IGF2BP3: variants seen among roughly 807,000 people sequenced by gnomAD.
IGF2BP3 encodes insulin-like growth factor 2 mRNA-binding protein 3.
Under a neutral mutation model 73.8 loss-of-function variants are expected in IGF2BP3, and 9 were observed. The ratio of observed to expected loss-of-function variants is 0.12; its 90% CI spans 0.07 to 0.21. The LOEUF (loss-of-function observed/expected upper bound fraction) is 0.21. IGF2BP3 is among the 10% of genes least tolerant of loss of function. The pLI is 1.00. For synonymous variants in IGF2BP3, 258 were observed against 256.7 expected, an observed-to-expected ratio of 1.01 and a Z score of -0.05; for missense variants, 542 against 714.0, an observed-to-expected ratio of 0.76 and a Z score of 2.75.
intron 3 of IGF2BP3, among the ~76,000 whole-genome samples, chr7:23,365,409 T>C (rs905576101): frequency 2.0e-5 from 3 of 152,200 alleles, no homozygotes; most frequent in Non-Finnish European, 4.4e-5. Context: ...GAGATAACAC[T>C]ACAAAAGTTA....
chr7:23,383,263 GA>G (rs1475670374), intron 3 of IGF2BP3, among the ~76,000 whole-genome samples: 1 of 152,170 alleles, frequency 6.6e-6, no homozygotes, highest in African/African-American at 2.4e-5. Context: ...GCAAGTATGT[GA>G]GTAACTTTTA....
At chr7:23,312,507 A>G (rs1354272973) in intron 14 of IGF2BP3, 47 bp from the exon 15 acceptor site, 8 of 1,330,726 alleles carry the variant, frequency 6.0e-6, no homozygotes, top group Non-Finnish European at 8.7e-6. Flanking sequence ...AAAAGCTACT[A>G]AAAGTTATTG....
At position 23,470,242 on chromosome 7, in the gene IGF2BP3, A is replaced by G. The variant is rs1788685076; in HGVS notation, c.-132T>C. 7.7e-6 allele frequency: 5 copies of G among 650,234 alleles called. No individual in the cohort carries two copies. Among genetic ancestry groups the G allele is most frequent in the Middle Eastern group, 8.7e-4 (2 of 2,286 alleles). The allele number at this position is 650,234 out of a possible 1,614,324, so 40.3% of individuals were successfully genotyped here. A position where few individuals can be genotyped will look rare whatever the true frequency, so the allele number is the denominator to read the frequency against. The stretch of plus-strand genomic sequence containing the variant: ...CTTTAAAATACACAAACACAGTAAG[A>G]ACCAAGCACAAGAACGAGGAGTGAA... On this transcript the variant is annotated 5_prime_UTR_variant, in exon 1 of 15. Coordinates refer to ENST00000258729, the MANE Select transcript of IGF2BP3 (RefSeq NM_006547.3).
intron 3 of IGF2BP3, among the ~76,000 whole-genome samples, chr7:23,372,219 C>A (rs1373249017): frequency 6.6e-6 from 1 of 152,066 alleles, no homozygotes. Context: ...GGACTACAGG[C>A]ACGTGCCTCC....
chr7:23,424,795 T>C (rs1462023746), intron 2 of IGF2BP3, among the ~76,000 whole-genome samples: 2 of 152,226 alleles, frequency 1.3e-5, no homozygotes, highest in South Asian at 2.1e-4. Context: ...ATGTAGACTC[T>C]GAAGGGCATC....
At chr7:23,318,980 T>G (rs1784064598) in intron 11 of IGF2BP3, among the ~76,000 whole-genome samples, 158 bp downstream of exon 11, 1 of 152,236 alleles carries the variant, frequency 6.6e-6, no homozygotes, top group South Asian at 2.1e-4. Flanking sequence ...GAAGTTAGCC[T>G]CCTTGGTGTA....
Position 23,343,863 on chromosome 7 carries a change from GA to G in IGF2BP3, c.942-11del. 6.2e-7 allele frequency: 1 copy of G among 1,604,482 alleles called. No homozygotes were observed. Among genetic ancestry groups the G allele is most frequent in the Non-Finnish European group, 8.5e-7 (1 of 1,177,364 alleles). On this transcript the variant is annotated splice_polypyrimidine_tract_variant and intron_variant, in intron 8 of 14. Coordinates refer to ENST00000258729, the MANE Select transcript of IGF2BP3 (RefSeq NM_006547.3). ...CGTCAATTCCTGCAATCTGCAGAAT[GA>G]AAAAGAAGGGAAAGAAAAAGAATGA...
At chr7:23,464,920 G>C (rs1031594608) in intron 2 of IGF2BP3, among the ~76,000 whole-genome samples, 2 of 152,034 alleles carry the variant, frequency 1.3e-5, no homozygotes, top group African/African-American at 4.8e-5. Context: ...TCATCACATA[G>C]GAGGCAGCAA....
intron 3 of IGF2BP3, among the ~76,000 whole-genome samples, chr7:23,391,722 T>C (rs1786283192): frequency 6.6e-6 from 1 of 152,224 alleles, no homozygotes; most frequent in African/African-American, 2.4e-5. Context: ...AAAAAGTCTT[T>C]TTAAAATGAT....
intron 5 of IGF2BP3, among the ~76,000 whole-genome samples, chr7:23,353,859 G>A (rs1785027452): frequency 6.6e-6 from 1 of 152,132 alleles, no homozygotes; most frequent in Admixed American, 6.5e-5. Context: ...TGTGGATTAA[G>A]GGACCTAAAA....
chr7:23,378,900 A>T (rs948176226), intron 3 of IGF2BP3, among the ~76,000 whole-genome samples: 15 of 151,974 alleles, frequency 9.9e-5, no homozygotes, highest in African/African-American at 3.6e-4. Flanking sequence ...GCTCCCCCGG[A>T]AGAGTACTGG....
chr7:23,361,693 G>C lies in IGF2BP3; in HGVS notation c.334C>G (p.Gln112Glu). 6.2e-7 allele frequency: 1 copy of C among 1,613,846 alleles called. No individual in the cohort carries two copies. Among genetic ancestry groups the C allele is most frequent in the Non-Finnish European group, 8.5e-7 (1 of 1,179,800 alleles). ...AAGCAATTCAGAAGACATGTACCTT[G>C]CTCACAGCTCTCCACCACTCCATAC... ...VQYGVVESCEQVNTDSETAVV... is the reference protein window; with the variant it reads ...VQYGVVESCEEVNTDSETAVV... The change falls in exon 4 of 15, where the codon CAA becomes GAA. Residue 112 changes from glutamine to glutamate, a missense_variant. Coordinates refer to ENST00000258729, the MANE Select transcript of IGF2BP3 (RefSeq NM_006547.3).
intron 3 of IGF2BP3, among the ~76,000 whole-genome samples, chr7:23,371,569 C>G (rs966151774): frequency 6.6e-6 from 1 of 152,200 alleles, no homozygotes. Flanking sequence ...ACCGTAATTA[C>G]TTGGATAACA....
chr7:23,466,302 C>T (rs1316098120), intron 2 of IGF2BP3, among the ~76,000 whole-genome samples: 1 of 152,166 alleles, frequency 6.6e-6, no homozygotes, highest in Non-Finnish European at 1.5e-5. Context: ...GGATTACAGG[C>T]GTGAGCCACT....
chr7:23,419,176 G>A (rs1049743407), intron 2 of IGF2BP3, among the ~76,000 whole-genome samples: 2 of 152,206 alleles, frequency 1.3e-5, no homozygotes, highest in African/African-American at 2.4e-5. Flanking sequence ...TAGTCCAGGT[G>A]ACCTTACTCT....
chr7:23,328,313 A>G (rs1299737609), intron 10 of IGF2BP3, among the ~76,000 whole-genome samples: 2 of 151,984 alleles, frequency 1.3e-5, no homozygotes, highest in African/African-American at 4.8e-5. Context: ...GGTTCAAGCG[A>G]TTCTTCTGCT....
At chr7:23,320,644 T>TA (rs35291021) in intron 10 of IGF2BP3, among the ~76,000 whole-genome samples, 20,894 of 115,272 alleles carry the variant, frequency 0.18, 2,245 homozygotes, top group East Asian at 0.39. Context: ...TGCTTTTGTT[T>TA]AAAAAAAAAA....
chr7:23,383,392 TC>T (rs1785975777), intron 3 of IGF2BP3, among the ~76,000 whole-genome samples: 2 of 152,312 alleles, frequency 1.3e-5, no homozygotes, highest in Admixed American at 1.3e-4. Flanking sequence ...ATGCTTGATA[TC>T]ATTAGTCATC....
chr7:23,319,252 T>G lies in IGF2BP3; in HGVS notation c.1206A>C (p.Gln402His). The part of the protein sequence containing the change: ...AMTPPYPQFE[Q>H]SETETVHLFI... ...ACAGATGAACAGTCTCCGTTTCTGA[T>G]TGCTGTTAGAAAAGAAAGCCAGGAC... Residue 402 changes from glutamine to histidine, a missense_variant and splice_region_variant, in exon 11 of 15, where the codon CAA (glutamine) becomes CAC (histidine). By Grantham distance (24) the Gln-to-His change is conservative (BLOSUM62 0). Coordinates refer to ENST00000258729, the MANE Select transcript of IGF2BP3 (RefSeq NM_006547.3). The G allele has an allele frequency of 1.9e-6, 3 of 1,599,568 alleles. No homozygotes were observed. The highest frequency in any genetic ancestry group is 2.6e-6 in the Non-Finnish European group (3 of 1,171,938).
Sources: gnomAD v4.1 joint callset for allele counts (sites outside exome capture counted in the v4.1 genomes callset) on GRCh38, gnomAD v4.1.1 for gene constraint, MANE v1.5 for transcripts, NCBI Gene and HGNC (gene_info 2026-07-23, HGNC 2026-07-21) for gene names.